ZFC3H1: variants seen among roughly 807,000 people sequenced by gnomAD.
ZFC3H1 encodes the protein zinc finger C3H1 domain-containing protein.
ZFC3H1 carries 71 observed loss-of-function variants against 243.7 expected under a neutral mutation model. The ratio of observed to expected loss-of-function variants is 0.29; its 90% confidence interval spans 0.24 to 0.36. The LOEUF is 0.36. Among genes scored for constraint, ZFC3H1 ranks in the 10% least tolerant of loss-of-function variants. The probability of loss-of-function intolerance (pLI) is 1.00; values close to 1 mark genes in which losing one functional copy is unlikely to be tolerated. For missense variants in ZFC3H1, 1,966 were observed against 2,317.1 expected (o/e 0.85, Z 3.11); for synonymous variants, 838 against 813.0 (o/e 1.03, Z -0.52).
intron 1 of ZFC3H1, among the ~76,000 whole-genome samples, chr12:71,657,689 A>T (rs944830727): frequency 1.3e-5 from 2 of 152,134 alleles, no homozygotes; most frequent in African/African-American, 4.8e-5. Flanking sequence ...ACAGATGCGG[A>T]TAGTTTACAC....
rs1006339739 is a variant in ZFC3H1 at position 71,610,348 on chromosome 12, G to A, written c.*80C>T. On this transcript the variant is annotated 3_prime_UTR_variant, in exon 35 of 35. Transcript: ENST00000378743. The stretch of plus-strand genomic sequence containing the variant: ...GTCTGCCTTACACAGACCTTAGCCA[G>A]GGATCAGCCTAATCTTGAAGAATCA... The A allele has an allele frequency of 7.2e-6, 11 of 1,517,762 alleles. No individual in the cohort carries two copies. The highest frequency in any genetic ancestry group is 8.9e-6 in the Non-Finnish European group (10 of 1,120,662). 94.0% of individuals were successfully genotyped at this position (1,517,762 alleles called of 1,614,324 possible).
At chr12:71,629,077 G>GTTT in intron 19 of ZFC3H1, 40 bp from the exon 20 acceptor site, 1 of 1,351,020 alleles carries the variant, frequency 7.4e-7, no homozygotes, top group Non-Finnish European at 9.9e-7. Flanking sequence ...GATATAACTA[G>GTTT]TTTTTTTTTT....
At chr12:71,626,960 TA>T (rs1176996692) in intron 21 of ZFC3H1, among the ~76,000 whole-genome samples, 1 of 152,098 alleles carries the variant, frequency 6.6e-6, no homozygotes, top group Non-Finnish European at 1.5e-5. Flanking sequence ...CTTCACTCAG[TA>T]AATGAGTCAG....
chr12:71,616,213 CT>C lies in ZFC3H1; in HGVS notation c.5145-898del, dbSNP rs375656332. On this transcript the variant is annotated intron_variant, in intron 27 of 34. Coordinates refer to ENST00000378743, the MANE Select transcript of ZFC3H1 (RefSeq NM_144982.5). ...CTCCCGGGCTGAGGTGGGAGAATAG[CT>C]TGAACTCAGGAGGCAGAGGTTACAG... Among the ~76,000 whole-genome samples the C allele has an allele frequency of 2.0e-3, 307 of 152,258 alleles. 2 individuals carry two copies. The highest frequency in any genetic ancestry group is 6.9e-3 in the African/African-American group (286 of 41,552).
At chr12:71,628,524 G>A (rs17110044) in intron 20 of ZFC3H1, among the ~76,000 whole-genome samples, 22,751 of 152,090 alleles carry the variant, frequency 0.15, 1,993 homozygotes, top group East Asian at 0.38. Context: ...CATCTTTTGA[G>A]CCTTCTGCAT....
chr12:71,628,795 G>GT, intron 20 of ZFC3H1, 123 bp downstream of exon 20: 1 of 1,055,468 alleles, frequency 9.5e-7, no homozygotes, highest in Non-Finnish European at 1.3e-6. Flanking sequence ...CAATGGCATC[G>GT]TTTTTAAAAA....
chr12:71,613,963 C>A (rs1879834037), intron 30 of ZFC3H1, among the ~76,000 whole-genome samples: 1 of 152,010 alleles, frequency 6.6e-6, no homozygotes, highest in African/African-American at 2.4e-5. Context: ...CTATAATGCA[C>A]TGAATAAAAG....
intron 27 of ZFC3H1, among the ~76,000 whole-genome samples, chr12:71,618,278 T>TAAAAAAAAAAAA (rs35402725): frequency 7.3e-6 from 1 of 136,742 alleles, no homozygotes. Flanking sequence ...AAAATAAAAT[T>TAAAAAAAAAAAA]AAAAAAAAAA....
intron 7 of ZFC3H1, 106 bp downstream of exon 7, chr12:71,638,312 G>C: frequency 1.9e-6 from 2 of 1,066,014 alleles, no homozygotes; most frequent in Non-Finnish European, 2.7e-6. Context: ...TTCTTGGTAA[G>C]CAATTCTGAT....
At chr12:71,617,773 G>T (rs1879925206) in intron 27 of ZFC3H1, among the ~76,000 whole-genome samples, 1 of 152,098 alleles carries the variant, frequency 6.6e-6, no homozygotes, top group Non-Finnish European at 1.5e-5. Flanking sequence ...CTATTAATTT[G>T]CATTTAAAAT....
chr12:71,637,562 A>G (rs569015273), intron 7 of ZFC3H1, among the ~76,000 whole-genome samples: 32 of 152,232 alleles, frequency 2.1e-4, no homozygotes, highest in Non-Finnish European at 5.9e-5. Flanking sequence ...TTCTTAAAGA[A>G]TATCTATAAA....
chr12:71,652,365 T>A (rs1323543307), intron 2 of ZFC3H1, among the ~76,000 whole-genome samples: 1 of 152,200 alleles, frequency 6.6e-6, no homozygotes, highest in Admixed American at 6.5e-5. Context: ...ATTCAAATTC[T>A]TTAGCAAAAT....
intron 2 of ZFC3H1, among the ~76,000 whole-genome samples, chr12:71,651,538 T>C (rs1440832932): frequency 6.6e-6 from 1 of 152,122 alleles, no homozygotes; most frequent in Non-Finnish European, 1.5e-5. Context: ...AATGGAAGAA[T>C]GAAATAAAAA....
At chr12:71,625,714 T>A (rs993048876) in intron 22 of ZFC3H1, among the ~76,000 whole-genome samples, 15 of 152,046 alleles carry the variant, frequency 9.9e-5, no homozygotes, top group African/African-American at 3.6e-4. Flanking sequence ...AAAAAAACCA[T>A]CTCATTCTCT....
At chr12:71,619,640 A>G (rs1174640458) in intron 26 of ZFC3H1, among the ~76,000 whole-genome samples, 5 of 152,208 alleles carry the variant, frequency 3.3e-5, no homozygotes, top group Admixed American at 1.3e-4. Flanking sequence ...CCACAGGCTC[A>G]TATTTCATCC....
chr12:71,659,197 TGATAA>T (rs57436846), intron 1 of ZFC3H1, among the ~76,000 whole-genome samples: 8,334 of 152,220 alleles, frequency 0.055, 768 homozygotes, highest in African/African-American at 0.19. Context: ...TTTACCCTGG[TGATAA>T]GATATTTCTC....
At chr12:71,612,697 T>TG (rs1879801888) in intron 31 of ZFC3H1, among the ~76,000 whole-genome samples, 1 of 152,194 alleles carries the variant, frequency 6.6e-6, no homozygotes, top group Non-Finnish European at 1.5e-5. Flanking sequence ...AAGATACAAC[T>TG]GATGCAGTGG....
At chr12:71,657,761 G>A (rs1013162256) in intron 1 of ZFC3H1, among the ~76,000 whole-genome samples, 1 of 152,162 alleles carries the variant, frequency 6.6e-6, no homozygotes, top group Admixed American at 6.5e-5. Context: ...GGCCGAGGCA[G>A]GAGGATCACT....
chr12:71,645,683 A>G (rs944399803), intron 3 of ZFC3H1, among the ~76,000 whole-genome samples: 1 of 152,248 alleles, frequency 6.6e-6, no homozygotes, highest in Non-Finnish European at 1.5e-5. Flanking sequence ...AATATTTTAT[A>G]TATTTTGAAC....
Sources: allele counts gnomAD v4.1 joint callset (sites outside exome capture counted in the v4.1 genomes callset), GRCh38; gene constraint gnomAD v4.1.1; transcripts MANE v1.5; gene names NCBI Gene and HGNC (gene_info 2026-07-23, HGNC 2026-07-21).